DOCK4: variants seen among roughly 807,000 people sequenced by gnomAD.
DOCK4 encodes the protein dedicator of cytokinesis 4, also known as dedicator of cytokinesis protein 4.
A neutral mutation model predicts 268.1 loss-of-function variants in DOCK4; 97 were observed. That is an observed-to-expected ratio of 0.36 (90% CI 0.31 to 0.43). DOCK4 has a LOEUF of 0.43. DOCK4 is among the 20% of genes least tolerant of loss of function. The pLI, the probability that DOCK4 is intolerant of heterozygous loss-of-function variation, is 1.00. For missense variants in DOCK4, 2,145 were observed against 2,455.7 expected, an observed-to-expected ratio of 0.87 and a Z score of 2.67; for synonymous variants, 954 against 887.2, an observed-to-expected ratio of 1.08 and a Z score of -1.34.
intron 12 of DOCK4, among the ~76,000 whole-genome samples, chr7:111,928,834 G>A (rs369950110): frequency 1.1e-4 from 17 of 152,072 alleles, no homozygotes; most frequent in African/African-American, 3.9e-4. Flanking sequence ...AGTGATCCAC[G>A]GACCTCGGCC....
At chr7:111,840,826 T>C (rs767109192) in intron 25 of DOCK4, 5 of 1,350,336 alleles carry the variant, frequency 3.7e-6, no homozygotes, top group Non-Finnish European at 4.9e-6. Context: ...AGGTGCTCAA[T>C]GTAGTACTGC....
At chr7:111,855,351 A>C (rs1467352974) in intron 23 of DOCK4, among the ~76,000 whole-genome samples, 1 of 152,156 alleles carries the variant, frequency 6.6e-6, no homozygotes, top group Non-Finnish European at 1.5e-5. Flanking sequence ...GAAGCTACAG[A>C]GGCACGTGAG....
At chr7:111,992,850 T>C (rs1799644696) in intron 5 of DOCK4, among the ~76,000 whole-genome samples, 1 of 152,208 alleles carries the variant, frequency 6.6e-6, no homozygotes, top group Admixed American at 6.5e-5. Flanking sequence ...TCCATGTTAG[T>C]GCCATGCCCA....
intron 1 of DOCK4, among the ~76,000 whole-genome samples, chr7:112,185,420 CTCTG>C (rs918475787): frequency 6.6e-6 from 1 of 152,190 alleles, no homozygotes; most frequent in Non-Finnish European, 1.5e-5. Flanking sequence ...GAACAACTCT[CTCTG>C]TCTACCTTAT....
chr7:111,975,693 C>T (rs1183272841), intron 8 of DOCK4, among the ~76,000 whole-genome samples: 1 of 152,144 alleles, frequency 6.6e-6, no homozygotes, highest in Non-Finnish European at 1.5e-5. Context: ...ATTCTATGGA[C>T]ATAGTCCACT....
chr7:111,977,459 T>G (rs1382522368), intron 7 of DOCK4, among the ~76,000 whole-genome samples, 176 bp from the exon 8 acceptor site: 1 of 152,216 alleles, frequency 6.6e-6, no homozygotes. Flanking sequence ...TTTCAGACTG[T>G]GGACATAGAA....
chr7:111,920,528 G>GT (rs1449526488), intron 12 of DOCK4, among the ~76,000 whole-genome samples: 2 of 152,108 alleles, frequency 1.3e-5, no homozygotes, highest in Non-Finnish European at 2.9e-5. Flanking sequence ...TTGGAGAATG[G>GT]TATTTTTCTT....
intron 15 of DOCK4, among the ~76,000 whole-genome samples, chr7:111,899,187 C>T (rs1324424477): frequency 6.6e-6 from 1 of 152,190 alleles, no homozygotes; most frequent in African/African-American, 2.4e-5. Flanking sequence ...TGAGTCAATT[C>T]TGAAATATGC....
chr7:111,876,753 T>G (rs1400813388), intron 17 of DOCK4, among the ~76,000 whole-genome samples: 1 of 151,742 alleles, frequency 6.6e-6, no homozygotes, highest in Non-Finnish European at 1.5e-5. Flanking sequence ...TTTTCGTTTT[T>G]TTTTTTTTTT....
intron 1 of DOCK4, among the ~76,000 whole-genome samples, chr7:112,092,425 G>A (rs10273453): frequency 0.39 from 58,662 of 151,918 alleles, 12,152 homozygotes; most frequent in African/African-American, 0.48. Context: ...ACTCAATTAT[G>A]TGTCTGCAAA....
chr7:112,072,526 C>G (rs1807687870), intron 1 of DOCK4, among the ~76,000 whole-genome samples: 1 of 152,130 alleles, frequency 6.6e-6, no homozygotes, highest in Non-Finnish European at 1.5e-5. Flanking sequence ...CTCCAAAAAA[C>G]TAAAACTGGA....
chr7:111,934,084 TAAAA>T (rs1462918649), intron 12 of DOCK4, among the ~76,000 whole-genome samples: 2 of 152,218 alleles, frequency 1.3e-5, no homozygotes, highest in Non-Finnish European at 2.9e-5. Flanking sequence ...AAATCAGTCT[TAAAA>T]AACAACACAT....
intron 31 of DOCK4, among the ~76,000 whole-genome samples, chr7:111,789,986 CTG>C (rs1799418374): frequency 6.6e-6 from 1 of 152,196 alleles, no homozygotes; most frequent in South Asian, 2.1e-4. Flanking sequence ...GGAATTTCCT[CTG>C]TAAGAATTTC....
intron 51 of DOCK4, among the ~76,000 whole-genome samples, chr7:111,733,676 A>C (rs1223792247): frequency 6.6e-6 from 1 of 152,146 alleles, no homozygotes; most frequent in Non-Finnish European, 1.5e-5. Context: ...ATTATTCCTT[A>C]AAAAATGCTT....
chr7:111,900,060 T>C (rs1008913436), intron 15 of DOCK4, among the ~76,000 whole-genome samples: 5 of 152,222 alleles, frequency 3.3e-5, no homozygotes, highest in African/African-American at 9.6e-5. Flanking sequence ...ACAAATCAGA[T>C]ATGCATCTGA....
intron 32 of DOCK4, among the ~76,000 whole-genome samples, chr7:111,786,701 A>T (rs953146676): frequency 4.6e-5 from 7 of 152,232 alleles, no homozygotes; most frequent in Non-Finnish European, 8.8e-5. Flanking sequence ...TACACGTAAC[A>T]AATGAGAATT....
chr7:111,754,196 C>T (rs1796876562), intron 42 of DOCK4, among the ~76,000 whole-genome samples: 1 of 152,200 alleles, frequency 6.6e-6, no homozygotes, highest in South Asian at 2.1e-4. Context: ...ATGGAAGGTA[C>T]CAGGGCACAA....
intron 1 of DOCK4, among the ~76,000 whole-genome samples, chr7:112,087,356 AC>A (rs1255749229): frequency 6.6e-6 from 1 of 152,110 alleles, no homozygotes; most frequent in Non-Finnish European, 1.5e-5. Context: ...CCCTGGCCAA[AC>A]TTGAAAATTA....
At chr7:111,895,544 AT>A (rs1808675608) in intron 16 of DOCK4, 67 bp downstream of exon 16, 1 of 1,318,536 alleles carries the variant, frequency 7.6e-7, no homozygotes. Context: ...TTTCAAAATG[AT>A]AAGATAGTGA....
Sources: allele counts gnomAD v4.1 joint callset (sites outside exome capture counted in the v4.1 genomes callset), GRCh38; gene constraint gnomAD v4.1.1; transcripts MANE v1.5; gene names NCBI Gene and HGNC (gene_info 2026-07-23, HGNC 2026-07-21).